The following LMBR1 variants were observed in gnomAD, a reference collection of about 807,000 sequenced individuals.
The protein encoded by LMBR1 is limb region 1 protein homolog.
Under a neutral mutation model 73.9 loss-of-function variants are expected in LMBR1, and 52 were observed. That is an observed-to-expected ratio of 0.70 (90% CI 0.56 to 0.89). The LOEUF (loss-of-function observed/expected upper bound fraction) is 0.89. LMBR1 is among the 40% of genes least tolerant of loss of function. The probability of loss-of-function intolerance (pLI) is 0.00; values close to 1 mark genes in which losing one functional copy is unlikely to be tolerated. For missense variants in LMBR1, 539 were observed against 579.8 expected, an observed-to-expected ratio of 0.93 and a Z score of 0.72; for synonymous variants, 215 against 209.4, an observed-to-expected ratio of 1.03 and a Z score of -0.23.
Position 156,730,123 on chromosome 7 carries a change from G to A in LMBR1, c.839-1403C>T, listed in dbSNP as rs186350265. ...TTCAGCAAACTCAACAGAGCCAAGAGGACAGACATTGGCATTTGGGGCTAC... is the reference window on the plus strand; with the variant it reads ...TTCAGCAAACTCAACAGAGCCAAGAAGACAGACATTGGCATTTGGGGCTAC... On this transcript the variant is annotated intron_variant, in intron 10 of 16. Coordinates refer to ENST00000353442, the MANE Select transcript of LMBR1 (RefSeq NM_022458.4). 1.3e-5 allele frequency among the ~76,000 whole-genome samples: 2 copies of A among 152,322 alleles called. 1 individual carries two copies. Among genetic ancestry groups the A allele is most frequent in the Admixed American group, 1.3e-4 (2 of 15,298 alleles).
intron 3 of LMBR1, among the ~76,000 whole-genome samples, chr7:156,832,205 A>G (rs1836813951): frequency 6.6e-6 from 1 of 152,244 alleles, no homozygotes; most frequent in African/African-American, 2.4e-5. Flanking sequence ...CATTTAAAAT[A>G]AATTACCAAA....
chr7:156,815,451 C>T (rs113355418), intron 4 of LMBR1, among the ~76,000 whole-genome samples: 4,842 of 152,180 alleles, frequency 0.032, 123 homozygotes, highest in South Asian at 0.085. Flanking sequence ...CACAACTGTG[C>T]GTGATTTTTT....
At chr7:156,784,949 T>A (rs531344251) in intron 5 of LMBR1, among the ~76,000 whole-genome samples, 3 of 152,192 alleles carry the variant, frequency 2.0e-5, no homozygotes, top group Non-Finnish European at 4.4e-5. Flanking sequence ...GACATCTGCA[T>A]CTCTTTTGCC....
At chr7:156,824,287 C>T (rs1329644593) in intron 4 of LMBR1, among the ~76,000 whole-genome samples, 1 of 152,028 alleles carries the variant, frequency 6.6e-6, no homozygotes, top group African/African-American at 2.4e-5. Context: ...ATACACAGGG[C>T]CACAGTCTCA....
At chr7:156,737,223 A>C (rs901532629) in intron 9 of LMBR1, among the ~76,000 whole-genome samples, 5 of 152,188 alleles carry the variant, frequency 3.3e-5, no homozygotes, top group Non-Finnish European at 5.9e-5. Context: ...ATTAAGTATA[A>C]AAAATCAAGG....
intron 3 of LMBR1, among the ~76,000 whole-genome samples, chr7:156,827,348 G>T (rs1835876652): frequency 6.6e-6 from 1 of 151,886 alleles, no homozygotes; most frequent in Non-Finnish European, 1.5e-5. Context: ...GCTTTAATAG[G>T]TACTAATATG....
At chr7:156,870,877 G>A (rs191855944) in intron 1 of LMBR1, among the ~76,000 whole-genome samples, 1 of 151,572 alleles carries the variant, frequency 6.6e-6, no homozygotes, top group East Asian at 1.9e-4. Context: ...TTAAAAACAA[G>A]AAAAGTCTCA....
intron 1 of LMBR1, among the ~76,000 whole-genome samples, chr7:156,866,737 G>A (rs551834883): frequency 6.6e-6 from 1 of 151,764 alleles, no homozygotes; most frequent in South Asian, 2.1e-4. Flanking sequence ...CTGAGTAGCT[G>A]AGATTATGGG....
intron 10 of LMBR1, 80 bp from the exon 11 acceptor site, chr7:156,728,800 T>C: frequency 3.1e-6 from 3 of 979,062 alleles, no homozygotes; most frequent in South Asian, 3.1e-5. Flanking sequence ...ATCTGTTTTA[T>C]ACATAATTTC....
intron 1 of LMBR1, among the ~76,000 whole-genome samples, chr7:156,884,959 A>G: frequency 6.6e-6 from 1 of 152,242 alleles, no homozygotes; most frequent in East Asian, 1.9e-4. Flanking sequence ...CTAGAGAGGC[A>G]GTAGATGAAG....
At chr7:156,878,919 T>C (rs935426366) in intron 1 of LMBR1, among the ~76,000 whole-genome samples, 1 of 152,124 alleles carries the variant, frequency 6.6e-6, no homozygotes, top group Non-Finnish European at 1.5e-5. Context: ...CAACTGATCT[T>C]TAACAAAGCA....
rs1311505332 is a variant in LMBR1, at chr7:156,680,979, T to G, written c.*3099A>C. On this transcript the variant is annotated 3_prime_UTR_variant, in exon 17 of 17. Transcript: ENST00000353442. ...CTAACAATTTGTAAACAAAACAATC[T>G]GTAAACAAAAATCAATTACTAGTGT... is the stretch of plus-strand genomic sequence containing the variant. 2 of 304,814 alleles carry G rather than the reference T, an allele frequency of 6.6e-6. No homozygotes were observed. Among genetic ancestry groups the G allele is most frequent in the Non-Finnish European group, 1.2e-5 (2 of 160,620 alleles). The allele number at this position is 304,814 out of a possible 1,614,324, so 18.9% of individuals were successfully genotyped here.
chr7:156,773,223 C>T (rs1285971380), intron 5 of LMBR1, among the ~76,000 whole-genome samples: 1 of 152,154 alleles, frequency 6.6e-6, no homozygotes, highest in East Asian at 1.9e-4. Context: ...CAAAAACATT[C>T]CATGTTCATG....
intron 8 of LMBR1, among the ~76,000 whole-genome samples, chr7:156,761,913 C>A (rs1823082434): frequency 6.8e-6 from 1 of 147,254 alleles, no homozygotes; most frequent in Admixed American, 7.0e-5. Context: ...GGGGGCGGAG[C>A]CTGCAGTGAG....
chr7:156,729,885 T>C (rs886442238), intron 10 of LMBR1, among the ~76,000 whole-genome samples: 7 of 152,038 alleles, frequency 4.6e-5, no homozygotes, highest in Admixed American at 4.6e-4. Context: ...AAAAGATAAA[T>C]CAAACTTAAT....
chr7:156,861,309 C>G (rs1797683184), intron 1 of LMBR1, among the ~76,000 whole-genome samples: 1 of 152,222 alleles, frequency 6.6e-6, no homozygotes, highest in Non-Finnish European at 1.5e-5. Flanking sequence ...ACAGACCCAG[C>G]TGTTGTTTGG....
In LMBR1 at chr7:156,803,832, T is replaced by C. The variant is rs1215355060; in HGVS notation, c.320-7340A>G. 3.3e-5 allele frequency among the ~76,000 whole-genome samples: 5 copies of C among 152,092 alleles called. No homozygotes were observed. The East Asian group carries it at 5.8e-4, about 18-fold the overall frequency. ...GCAGCCATAAAAAAGGATGAGTTCA[T>C]GTCCTTTGTAGGGACATGGATGAAA... On this transcript the variant is annotated intron_variant, in intron 4 of 16. Coordinates refer to ENST00000353442, the MANE Select transcript of LMBR1 (RefSeq NM_022458.4).
chr7:156,787,510 A>G (rs1188599400), intron 5 of LMBR1, among the ~76,000 whole-genome samples: 1 of 152,244 alleles, frequency 6.6e-6, no homozygotes, highest in East Asian at 1.9e-4. Context: ...ATATATAATC[A>G]GGCTCAAATA....
chr7:156,770,799 A>G (rs1825031191), intron 5 of LMBR1, among the ~76,000 whole-genome samples: 1 of 152,152 alleles, frequency 6.6e-6, no homozygotes, highest in Non-Finnish European at 1.5e-5. Context: ...CTGTAGTCCC[A>G]GCTACTTGGG....
Sources: gnomAD v4.1 joint callset for allele counts (sites outside exome capture counted in the v4.1 genomes callset) on GRCh38, gnomAD v4.1.1 for gene constraint, MANE v1.5 for transcripts, NCBI Gene and HGNC (gene_info 2026-07-23, HGNC 2026-07-21) for gene names.